SLC16A1: variants seen among roughly 807,000 people sequenced by gnomAD.
SLC16A1 encodes the protein solute carrier family 16 member 1.
In SLC16A1, 11 loss-of-function variants were observed where a neutral mutation model predicts 32.2. The observed-to-expected ratio is 0.34, with a 90% CI of 0.21 to 0.56. SLC16A1 has a LOEUF of 0.56. SLC16A1 is among the 20% of genes least tolerant of loss of function. SLC16A1 has a pLI of 0.87. For missense variants in SLC16A1, 435 were observed against 615.0 expected (o/e 0.71, Z 3.10); for synonymous variants, 231 against 226.8 (o/e 1.02, Z -0.17).
Position 112,917,784 on chromosome 1 carries a change from C to T in SLC16A1, c.622G>A (p.Asp208Asn), listed in dbSNP as rs202131854. 1.7e-4 allele frequency: 270 copies of T among 1,614,090 alleles called. 1 individual carries two copies. The highest frequency in any genetic ancestry group is 3.0e-5 in the Non-Finnish European group (35 of 1,180,046). Residue 208 changes from aspartate to asparagine, a missense_variant, in exon 4 of 5, where the codon GAT (aspartate) becomes AAT (asparagine). Transcript: ENST00000369626. This position sits in a 1 kb window ranked among gnomAD's most constrained non-coding sequence, Gnocchi z 4.1. ...TTCTCAAGGGATGCTTTAGACTTATCTTTCCCTGCCTTGGTTGGCTTGGGC... is the reference window on the plus strand; with the variant it reads ...TTCTCAAGGGATGCTTTAGACTTATTTTTCCCTGCCTTGGTTGGCTTGGGC... ...IGPKPTKAGK[D>N]KSKASLEKAG...
intron 3 of SLC16A1, among the ~76,000 whole-genome samples, chr1:112,918,461 T>C (rs947874753): frequency 2.0e-5 from 3 of 152,196 alleles, no homozygotes; most frequent in African/African-American, 7.2e-5. Flanking sequence ...ATTATAACCA[T>C]ATAAGATCAT....
chr1:112,919,070 G>C (rs914001533), intron 3 of SLC16A1, among the ~76,000 whole-genome samples: 1 of 135,236 alleles, frequency 7.4e-6, no homozygotes. Flanking sequence ...TTGCTCTGCC[G>C]CCCAGGCTGG....
At chr1:112,920,877 C>T (rs1273176480) in intron 3 of SLC16A1, among the ~76,000 whole-genome samples, 3 of 151,860 alleles carry the variant, frequency 2.0e-5, no homozygotes, top group East Asian at 3.9e-4. Context: ...AGGTGATTCA[C>T]GCCTGTAATC....
intron 4 of SLC16A1, among the ~76,000 whole-genome samples, chr1:112,914,932 TA>T (rs1368027777): frequency 6.6e-6 from 1 of 152,272 alleles, no homozygotes; most frequent in East Asian, 1.9e-4. Context: ...TTACAAATTT[TA>T]TTTTGGTCAT....
intron 1 of SLC16A1, among the ~76,000 whole-genome samples, chr1:112,948,574 GCTCAATGCAAC>G (rs1019912568): frequency 6.6e-6 from 1 of 151,878 alleles, no homozygotes; most frequent in Non-Finnish European, 1.5e-5. Flanking sequence ...TGCGATCTGG[GCTCAATGCAAC>G]CTCCGTCTCC....
intron 1 of SLC16A1, among the ~76,000 whole-genome samples, chr1:112,936,549 A>C (rs1649316541): frequency 6.6e-6 from 1 of 151,264 alleles, no homozygotes; most frequent in South Asian, 2.1e-4. Flanking sequence ...ATTTTTCAAT[A>C]TTCTCCAATA....
At chr1:112,932,155 C>A (rs1360335214) in intron 1 of SLC16A1, among the ~76,000 whole-genome samples, 3 of 152,162 alleles carry the variant, frequency 2.0e-5, no homozygotes, top group Non-Finnish European at 4.4e-5. Flanking sequence ...GATATACTCA[C>A]CACTTATACA....
At chr1:112,949,657 T>G (rs1264581655) in intron 1 of SLC16A1, among the ~76,000 whole-genome samples, 1 of 152,152 alleles carries the variant, frequency 6.6e-6, no homozygotes, top group Non-Finnish European at 1.5e-5. Context: ...GTAAAACTTA[T>G]GGAACCCTTG....
In SLC16A1 at chr1:112,912,673, T is replaced by C. The variant is rs1648362345; in HGVS notation, c.*1218A>G. ...CAATTCTAAGCACAACAATTTTCTG[T>C]AAGGCCTTCTCTGAAAAAAGAGAAG... is the stretch of plus-strand genomic sequence containing the variant. On this transcript the variant is annotated 3_prime_UTR_variant, in exon 5 of 5. Coordinates refer to ENST00000369626, the MANE Select transcript of SLC16A1 (RefSeq NM_003051.4). The C allele has an allele frequency of 6.6e-6, 1 of 152,116 alleles. No individual in the cohort carries two copies. Among genetic ancestry groups the C allele is most frequent in the Non-Finnish European group, 1.5e-5 (1 of 68,016 alleles). 9.4% of individuals were successfully genotyped at this position (152,116 alleles called of 1,614,324 possible).
At position 112,917,174 on chromosome 1, in the gene SLC16A1, A is replaced by G. The variant is rs941306130; in HGVS notation, c.1228+4T>C. 5 of 1,614,152 alleles carry G rather than the reference A, an allele frequency of 3.1e-6. No individual in the cohort carries two copies. The highest frequency in any genetic ancestry group is 4.2e-6 in the Non-Finnish European group (5 of 1,180,010). On this transcript the variant is annotated splice_donor_region_variant and intron_variant, in intron 4 of 4. Coordinates refer to ENST00000369626, the MANE Select transcript of SLC16A1 (RefSeq NM_003051.4). The surrounding 1 kb of genome is among the most constrained non-coding windows in gnomAD (Gnocchi z 4.1). ...ACCCACATTAGTAGGGAGATATACT[A>G]TACCTAAAAGTGGTGGCCCCAGGAG...
intron 1 of SLC16A1, among the ~76,000 whole-genome samples, chr1:112,946,423 A>T (rs11801876): frequency 0.015 from 2,263 of 152,188 alleles, 46 homozygotes; most frequent in African/African-American, 0.051. Flanking sequence ...AAGTAATCTA[A>T]TTTTCCCAGT....
At chr1:112,950,470 G>A (rs1649854321) in intron 1 of SLC16A1, among the ~76,000 whole-genome samples, 1 of 152,196 alleles carries the variant, frequency 6.6e-6, no homozygotes, top group Non-Finnish European at 1.5e-5. Context: ...GATATCAGTA[G>A]ATTTTGAGGA....
rs77017837 is a variant in SLC16A1 at position 112,916,055 on chromosome 1, T to C, written c.1228+1123A>G. Reference sequence around the variant, plus strand: ...CTTACAAAATGGGGACTTAAAACGGTCCTACCTCATATGGACTTGTGAGAT... The same window carrying C: ...CTTACAAAATGGGGACTTAAAACGGCCCTACCTCATATGGACTTGTGAGAT... On this transcript the variant is annotated intron_variant, in intron 4 of 4. Transcript: ENST00000369626. Among the ~76,000 whole-genome samples the C allele has an allele frequency of 2.2e-3, 342 of 152,242 alleles. 1 individual carries two copies. Among genetic ancestry groups the C allele is most frequent in the Admixed American group, 4.2e-3 (64 of 15,292 alleles).
intron 2 of SLC16A1, chr1:112,923,597 G>C: frequency 1.4e-6 from 2 of 1,384,454 alleles, no homozygotes; most frequent in Non-Finnish European, 2.1e-6. Context: ...CATTGTTTGG[G>C]AACTCCCTGA....
chr1:112,953,338 T>C (rs569046842), intron 1 of SLC16A1, among the ~76,000 whole-genome samples: 3 of 152,176 alleles, frequency 2.0e-5, no homozygotes, highest in Middle Eastern at 3.4e-3. Flanking sequence ...ATTTTTTGTA[T>C]TTTTAATAGA....
rs759341484 is a variant in SLC16A1 at position 112,914,149 on chromosome 1, C to A, written c.1245G>T (p.Met415Ile). Residue 415 changes from methionine to isoleucine, a missense_variant, in exon 5 of 5, where the codon ATG (methionine) becomes ATT (isoleucine). Transcript: ENST00000369626. ...GPPLLGRLND[M>I]YGDYKYTYWA... The stretch of plus-strand genomic sequence containing the variant: ...AGTATGTGTATTTGTAGTCTCCATA[C>A]ATGTCATTGAGCCGACCTAAATATG... 1 of 1,614,166 alleles carries A rather than the reference C, an allele frequency of 6.2e-7. No homozygotes were observed. The highest frequency in any genetic ancestry group is 8.5e-7 in the Non-Finnish European group (1 of 1,180,026).
Position 112,917,390 on chromosome 1 carries a change from G to C in SLC16A1, c.1016C>G (p.Ala339Gly), listed in dbSNP as rs1219314850. 1 of 1,614,206 alleles carries C rather than the reference G, an allele frequency of 6.2e-7. No homozygotes were observed. Residue 339 changes from alanine to glycine, a missense_variant, in exon 4 of 5, where the codon GCA (alanine) becomes GGA (glycine). By Grantham distance (60) the Ala-to-Gly change is moderately conservative. This residue lies in a region of SLC16A1 where 324 missense variants were observed against 500.3 expected (regional missense o/e 0.65). Transcript: ENST00000369626. This position sits in a 1 kb window ranked among gnomAD's most constrained non-coding sequence, Gnocchi z 4.1. ...IQYFFAASVV[A>G]NGVCHMLAPL... is the part of the protein sequence containing the mutation. ...TGCTAGCATATGACACACTCCATTT[G>C]CAACAACGGAAGCCGCAAAGAAATA...
chr1:112,946,710 C>T (rs749539412), intron 1 of SLC16A1, among the ~76,000 whole-genome samples: 3 of 152,114 alleles, frequency 2.0e-5, no homozygotes, highest in Non-Finnish European at 4.4e-5. Flanking sequence ...TGCACCACCA[C>T]GCCCAGCTAT....
intron 2 of SLC16A1, chr1:112,924,242 C>T (rs1648852516): frequency 2.0e-6 from 3 of 1,512,886 alleles, no homozygotes; most frequent in Non-Finnish European, 2.8e-6. Context: ...TGGAGCAGAA[C>T]TTGGCAGCGG....
Sources: allele counts gnomAD v4.1 joint callset (sites outside exome capture counted in the v4.1 genomes callset), GRCh38; gene constraint gnomAD v4.1.1; regional missense constraint gnomAD v4.1.1; non-coding constraint Gnocchi (gnomAD v3.1); transcripts MANE v1.5; gene names NCBI Gene and HGNC (gene_info 2026-07-23, HGNC 2026-07-21).